The following ILRUN variants were observed in gnomAD, a reference collection of about 807,000 sequenced individuals.
The protein encoded by ILRUN is protein ILRUN.
Under a neutral mutation model 33.8 loss-of-function variants are expected in ILRUN, and 3 were observed. The observed-to-expected ratio is 0.09, with a 90% CI of 0.04 to 0.23. ILRUN has a LOEUF of 0.23. Among genes scored for constraint, ILRUN ranks in the 10% least tolerant of loss-of-function variants. The probability of loss-of-function intolerance (pLI) is 1.00; values close to 1 mark genes in which losing one functional copy is unlikely to be tolerated. For missense variants in ILRUN, 210 were observed against 375.1 expected (o/e 0.56, Z 3.64); for synonymous variants, 124 against 138.9 (o/e 0.89, Z 0.75).
In ILRUN at chr6:34,683,451, T is replaced by TATATATAC. The variant is rs1763429027; in HGVS notation, c.158+12994_158+12995insGTATATAT. 2.0e-5 allele frequency among the ~76,000 whole-genome samples: 2 copies of TATATATAC among 99,294 alleles called. 1 individual carries two copies. The highest frequency in any genetic ancestry group is 1.2e-4 in the African/African-American group (2 of 16,422). The allele number at this position is 99,294 out of a possible 152,430, so 65.1% of individuals were successfully genotyped here. A position where few individuals can be genotyped will look rare whatever the true frequency, so the allele number is the denominator to read the frequency against. On this transcript the variant is annotated intron_variant, in intron 1 of 4. Coordinates refer to ENST00000374023, the MANE Select transcript of ILRUN (RefSeq NM_024294.4). ...ATACATATATATATACATATATATA[T>TATATATAC]ACATATATATACATATATATACACA...
chr6:34,607,689 A>ATGGT (rs1761663874), intron 3 of ILRUN, among the ~76,000 whole-genome samples: 1 of 152,200 alleles, frequency 6.6e-6, no homozygotes, highest in Non-Finnish European at 1.5e-5. Context: ...CCTAGGCTAT[A>ATGGT]TGGTATAGCC....
At chr6:34,648,898 G>C (rs1446327957) in intron 2 of ILRUN, among the ~76,000 whole-genome samples, 2 of 152,206 alleles carry the variant, frequency 1.3e-5, no homozygotes, top group Non-Finnish European at 2.9e-5. Context: ...AACCAAGACT[G>C]CATGTGAAAA....
intron 1 of ILRUN, among the ~76,000 whole-genome samples, chr6:34,675,512 G>A (rs1383135478): frequency 1.3e-5 from 2 of 151,980 alleles, no homozygotes; most frequent in African/African-American, 4.8e-5. Flanking sequence ...AAAGAAAACA[G>A]AAGTGAATTT....
intron 1 of ILRUN, among the ~76,000 whole-genome samples, chr6:34,671,179 G>A (rs1421201167): frequency 6.6e-6 from 1 of 152,108 alleles, no homozygotes; most frequent in Admixed American, 6.5e-5. Context: ...GGCTGAGGCG[G>A]GCAGATCACT....
chr6:34,646,593 A>G lies in ILRUN; in HGVS notation c.511+8T>C. ...CCTTTACCCTGGGCTGCACAAGGAC[A>G]TACTCACCTCCATAGTAGAGTCCTG... On this transcript the variant is annotated splice_region_variant and intron_variant, in intron 3 of 4. Transcript: ENST00000374023. The surrounding 1 kb of genome is among the most constrained non-coding windows in gnomAD (Gnocchi z 4.9). 6.2e-7 allele frequency: 1 copy of G among 1,613,544 alleles called. No homozygotes were observed.
At chr6:34,614,826 T>TGAAGAA (rs997542078) in intron 3 of ILRUN, among the ~76,000 whole-genome samples, 1 of 152,120 alleles carries the variant, frequency 6.6e-6, no homozygotes, top group African/African-American at 2.4e-5. Flanking sequence ...ATAGGGTGCT[T>TGAAGAA]TACCTCTGTG....
chr6:34,623,100 G>A (rs1762041886), intron 3 of ILRUN, among the ~76,000 whole-genome samples: 1 of 152,168 alleles, frequency 6.6e-6, no homozygotes, highest in African/African-American at 2.4e-5. Flanking sequence ...GGGGAATGGA[G>A]AATTATTAAT....
At chr6:34,692,949 G>A (rs1192833473) in intron 1 of ILRUN, among the ~76,000 whole-genome samples, 3 of 152,044 alleles carry the variant, frequency 2.0e-5, no homozygotes, top group East Asian at 1.9e-4. Flanking sequence ...ATGGTGGCAC[G>A]CATCTGTAGT....
At chr6:34,653,129 T>A (rs1302656297) in intron 2 of ILRUN, among the ~76,000 whole-genome samples, 2 of 98,566 alleles carry the variant, frequency 2.0e-5, no homozygotes, top group Admixed American at 1.2e-4. Context: ...TGAGACCTTG[T>A]CTCAAAAAAA....
At chr6:34,596,358 A>T (rs1469162603) in intron 4 of ILRUN, among the ~76,000 whole-genome samples, 2 of 152,148 alleles carry the variant, frequency 1.3e-5, no homozygotes, top group Non-Finnish European at 2.9e-5. Flanking sequence ...CCTGGGTTCA[A>T]GCGATTCTCC....
intron 3 of ILRUN, among the ~76,000 whole-genome samples, chr6:34,638,666 C>T (rs1762413196): frequency 6.6e-6 from 1 of 151,956 alleles, no homozygotes; most frequent in African/African-American, 2.4e-5. Context: ...GATCACACCA[C>T]TGCATTCCAG....
intron 2 of ILRUN, among the ~76,000 whole-genome samples, chr6:34,650,162 T>A (rs919116835): frequency 5.3e-5 from 8 of 152,162 alleles, no homozygotes; most frequent in African/African-American, 1.9e-4. Context: ...GTATAACAAC[T>A]GAGAAGCTCT....
At chr6:34,632,120 T>TA (rs1237220984) in intron 3 of ILRUN, among the ~76,000 whole-genome samples, 1 of 152,182 alleles carries the variant, frequency 6.6e-6, no homozygotes, top group African/African-American at 2.4e-5. Flanking sequence ...ACATGGATTT[T>TA]AAAAAACTAT....
intron 1 of ILRUN, among the ~76,000 whole-genome samples, chr6:34,660,977 G>A (rs1453323888): frequency 6.6e-6 from 1 of 152,170 alleles, no homozygotes; most frequent in Non-Finnish European, 1.5e-5. Flanking sequence ...ACATTCAGAG[G>A]AGGGACAAAG....
chr6:34,690,761 A>C (rs1205220320), intron 1 of ILRUN, among the ~76,000 whole-genome samples: 3 of 136,634 alleles, frequency 2.2e-5, no homozygotes, highest in Non-Finnish European at 4.7e-5. Context: ...CAAACGAAAA[A>C]GGCTTAAATT....
intron 1 of ILRUN, among the ~76,000 whole-genome samples, chr6:34,663,512 TAAAAA>T (rs1203987680): frequency 6.6e-6 from 1 of 151,768 alleles, no homozygotes; most frequent in Non-Finnish European, 1.5e-5. Flanking sequence ...ATTTTAAACT[TAAAAA>T]AAAGAGAGAG....
intron 1 of ILRUN, among the ~76,000 whole-genome samples, chr6:34,692,324 A>G (rs1023254286): frequency 3.3e-5 from 5 of 152,186 alleles, no homozygotes; most frequent in Admixed American, 6.6e-5. Flanking sequence ...AATTTACCAC[A>G]TTATTTTCTA....
At chr6:34,689,191 A>G (rs1203340953) in intron 1 of ILRUN, among the ~76,000 whole-genome samples, 1 of 152,062 alleles carries the variant, frequency 6.6e-6, no homozygotes, top group Non-Finnish European at 1.5e-5. Flanking sequence ...TAATTTTGCC[A>G]GGCACAGTAC....
chr6:34,680,663 G>A (rs918777580), intron 1 of ILRUN, among the ~76,000 whole-genome samples: 4 of 152,150 alleles, frequency 2.6e-5, no homozygotes, highest in Non-Finnish European at 4.4e-5. Context: ...ACGTTGGCCA[G>A]GCTGGTCTCG....
Sources: allele counts gnomAD v4.1 joint callset (sites outside exome capture counted in the v4.1 genomes callset), GRCh38; gene constraint gnomAD v4.1.1; non-coding constraint Gnocchi (gnomAD v3.1); transcripts MANE v1.5; gene names NCBI Gene and HGNC (gene_info 2026-07-23, HGNC 2026-07-21).